The following B3GLCT variants were observed in gnomAD, a reference collection of about 807,000 sequenced individuals.
B3GLCT encodes beta 3-glucosyltransferase, also known as beta-1,3-glucosyltransferase.
B3GLCT carries 65 observed loss-of-function variants against 63.4 expected under a neutral mutation model. The ratio of observed to expected loss-of-function variants is 1.03; its 90% CI spans 0.84 to 1.26. The LOEUF (loss-of-function observed/expected upper bound fraction) is 1.26. Ranked by LOEUF, B3GLCT falls within the 50% of genes most tolerant of loss-of-function variation. The probability of loss-of-function intolerance (pLI) is 0.00; values close to 1 mark genes in which losing one functional copy is unlikely to be tolerated. For synonymous variants in B3GLCT, 233 were observed against 219.2 expected (o/e 1.06, Z -0.55); for missense variants, 577 against 604.8 (o/e 0.95, Z 0.48).
At chr13:31,235,974 ACT>A (rs752520972) in intron 4 of B3GLCT, among the ~76,000 whole-genome samples, 3 of 151,770 alleles carry the variant, frequency 2.0e-5, no homozygotes, top group South Asian at 2.1e-4. Context: ...TTTATGACAG[ACT>A]CTGTGTTGTT....
intron 4 of B3GLCT, among the ~76,000 whole-genome samples, chr13:31,235,073 G>T (rs1048633739): frequency 6.6e-6 from 1 of 152,062 alleles, no homozygotes; most frequent in Non-Finnish European, 1.5e-5. Context: ...TGGGGACAGG[G>T]CCATGGATCT....
At position 31,208,694 on chromosome 13, in the gene B3GLCT, T is replaced by C. The variant is rs186455005; in HGVS notation, c.71-6357T>C. On this transcript the variant is annotated intron_variant, in intron 1 of 14. Transcript: ENST00000343307. ...TGCTTGACTCCAGTGGCCTTCCCAC[T>C]GGCATGTTTGTGTCCTTTCTTGTCC... Among the ~76,000 whole-genome samples the C allele has an allele frequency of 6.5e-5, 9 of 139,104 alleles. No individual in the cohort carries two copies. The East Asian group carries it at 1.1e-3, about 16-fold the overall frequency. The allele number at this position is 139,104 out of a possible 152,430, so 91.3% of individuals were successfully genotyped here.
chr13:31,290,651 A>G (rs967165747), intron 12 of B3GLCT, among the ~76,000 whole-genome samples: 1 of 152,172 alleles, frequency 6.6e-6, no homozygotes, highest in Admixed American at 6.5e-5. Context: ...GGCCACATAA[A>G]TGTCTTCTTT....
At chr13:31,256,258 C>G (rs998188143) in intron 6 of B3GLCT, among the ~76,000 whole-genome samples, 3 of 152,006 alleles carry the variant, frequency 2.0e-5, no homozygotes, top group Admixed American at 1.3e-4. Context: ...GTTAGAATGG[C>G]GATCATTAAA....
At chr13:31,207,022 C>G (rs1025267039) in intron 1 of B3GLCT, among the ~76,000 whole-genome samples, 21 of 152,224 alleles carry the variant, frequency 1.4e-4, no homozygotes, top group African/African-American at 3.6e-4. Context: ...GGGCAATATA[C>G]AAATAAGTTT....
At chr13:31,318,481 ATTTTG>A (rs1875168745) in intron 13 of B3GLCT, among the ~76,000 whole-genome samples, 1 of 152,146 alleles carries the variant, frequency 6.6e-6, no homozygotes. Context: ...AGGCATCCTG[ATTTTG>A]TTTAGCCAAT....
intron 13 of B3GLCT, among the ~76,000 whole-genome samples, chr13:31,323,185 T>C (rs1056610250): frequency 2.6e-5 from 4 of 152,148 alleles, no homozygotes; most frequent in Admixed American, 2.6e-4. Flanking sequence ...GTATTTTTGA[T>C]TCAGGGATTC....
chr13:31,276,163 T>G lies in B3GLCT; in HGVS notation c.781-539T>G, dbSNP rs150558521. The stretch of plus-strand genomic sequence containing the variant: ...CCAGGTGTTTCAAGGAATCCTACCT[T>G]TGGCAGAGGAGAAAACATCCTTAGC... On this transcript the variant is annotated intron_variant, in intron 9 of 14. Coordinates refer to ENST00000343307, the MANE Select transcript of B3GLCT (RefSeq NM_194318.4). Among the ~76,000 whole-genome samples, 228 of 152,240 alleles carry G rather than the reference T, an allele frequency of 1.5e-3. 1 individual carries two copies. Among genetic ancestry groups the G allele is most frequent in the African/African-American group, 5.3e-3 (220 of 41,534 alleles).
At chr13:31,237,868 A>C (rs539585158) in intron 4 of B3GLCT, among the ~76,000 whole-genome samples, 2 of 152,256 alleles carry the variant, frequency 1.3e-5, no homozygotes, top group Admixed American at 1.3e-4. Flanking sequence ...TGGGACCCTC[A>C]TGTCACCTGG....
chr13:31,330,086 A>T lies in B3GLCT; in HGVS notation c.*418A>T, dbSNP rs1456343350. The T allele has an allele frequency of 1.5e-5, 3 of 204,430 alleles. No individual in the cohort carries two copies. Among genetic ancestry groups the T allele is most frequent in the African/African-American group, 2.4e-5 (1 of 42,470 alleles). The allele number at this position is 204,430 out of a possible 1,614,324, so 12.7% of individuals were successfully genotyped here. Reference sequence around the variant, plus strand: ...CAGTTCTATTTGTATATATAAAAAGAAGACTGAAAGTCTTTTGACATGGAT... The same window carrying T: ...CAGTTCTATTTGTATATATAAAAAGTAGACTGAAAGTCTTTTGACATGGAT... On this transcript the variant is annotated 3_prime_UTR_variant, in exon 15 of 15. Transcript: ENST00000343307.
rs181459027 is a variant in B3GLCT at position 31,234,457 on chromosome 13, T to C, written c.270+5163T>C. Among the ~76,000 whole-genome samples the C allele has an allele frequency of 1.9e-3, 293 of 152,148 alleles. 1 individual carries two copies. Among genetic ancestry groups the C allele is most frequent in the Admixed American group, 0.018 (269 of 15,294 alleles). ...ATGCTCAAGGAGGGATTTCTGAAAG[T>C]GCTGAGCCTGGAACTGAGCCTACCT... On this transcript the variant is annotated intron_variant, in intron 4 of 14. Transcript: ENST00000343307.
intron 2 of B3GLCT, among the ~76,000 whole-genome samples, chr13:31,219,248 A>G (rs2137753026): frequency 6.6e-6 from 1 of 152,306 alleles, no homozygotes; most frequent in East Asian, 1.9e-4. Context: ...CTAATCCACC[A>G]CAGTTAAGTA....
At chr13:31,282,360 C>A (rs943921435) in intron 10 of B3GLCT, among the ~76,000 whole-genome samples, 5 of 152,216 alleles carry the variant, frequency 3.3e-5, no homozygotes, top group Non-Finnish European at 5.9e-5. Context: ...ACAGACAGGG[C>A]CGAGTGCGGT....
At chr13:31,274,403 C>T in intron 8 of B3GLCT, 106 bp from the exon 9 acceptor site, 1 of 1,433,266 alleles carries the variant, frequency 7.0e-7, no homozygotes, top group Non-Finnish European at 9.8e-7. Flanking sequence ...GTTCAGCCTA[C>T]TCTCTATGGA....
intron 4 of B3GLCT, among the ~76,000 whole-genome samples, chr13:31,233,697 G>T (rs751468329): frequency 2.4e-4 from 37 of 152,180 alleles, no homozygotes; most frequent in Non-Finnish European, 5.1e-4. Context: ...ACTTGGGCTG[G>T]GAAGTGTAAT....
At chr13:31,281,134 T>C (rs986476246) in intron 10 of B3GLCT, among the ~76,000 whole-genome samples, 1 of 152,106 alleles carries the variant, frequency 6.6e-6, no homozygotes, top group African/African-American at 2.4e-5. Context: ...AGCCACTGGT[T>C]TTGTTCATCA....
In B3GLCT at chr13:31,255,069, C is replaced by T. The variant is rs1871664555; in HGVS notation, c.460-5877C>T. ...AAAAAAAAAAAGAAAACCCCATCAT[C>T]TCAAAAGCTCCTTAAGCTGATAAGC... On this transcript the variant is annotated intron_variant, in intron 6 of 14. Coordinates refer to ENST00000343307, the MANE Select transcript of B3GLCT (RefSeq NM_194318.4). Among the ~76,000 whole-genome samples the T allele has an allele frequency of 2.0e-5, 3 of 150,854 alleles. No individual in the cohort carries two copies. In the South Asian group the frequency reaches 6.3e-4, roughly 32 times the overall value.
chr13:31,263,581 C>G (rs56323329), intron 7 of B3GLCT, among the ~76,000 whole-genome samples: 1 of 152,182 alleles, frequency 6.6e-6, no homozygotes, highest in Admixed American at 6.5e-5. Context: ...CTCATGCTCA[C>G]CACATGACTA....
chr13:31,309,665 G>C (rs1047767372), intron 12 of B3GLCT, among the ~76,000 whole-genome samples: 1 of 152,118 alleles, frequency 6.6e-6, no homozygotes, highest in African/African-American at 2.4e-5. Context: ...GGGGGAAGGA[G>C]TGTGGAGCTT....
Sources: allele counts gnomAD v4.1 joint callset (sites outside exome capture counted in the v4.1 genomes callset), GRCh38; gene constraint gnomAD v4.1.1; transcripts MANE v1.5; gene names NCBI Gene and HGNC (gene_info 2026-07-23, HGNC 2026-07-21).